PUDP: variants seen among roughly 807,000 people sequenced by gnomAD.
The protein encoded by PUDP is pseudouridine 5'-phosphatase, also known as pseudouridine-5'-phosphatase.
PUDP carries 8 observed loss-of-function variants against 9.4 expected under a neutral mutation model. The ratio of observed to expected loss-of-function variants is 0.85; its 90% CI spans 0.50 to 1.53. The LOEUF is 1.53. PUDP is among the 40% of genes most tolerant of loss of function. PUDP has a pLI of 0.00. For missense variants in PUDP, 188 were observed against 189.7 expected, an observed-to-expected ratio of 0.99 and a Z score of 0.05; for synonymous variants, 99 against 80.7, an observed-to-expected ratio of 1.23 and a Z score of -1.22.
At chrX:6,809,073 C>T (rs774700148) in intron 3 of PUDP, among the ~76,000 whole-genome samples, 2 of 111,382 alleles carry the variant, frequency 1.8e-5, no homozygotes, top group African/African-American at 3.3e-5. Context: ...GATCCCATAG[C>T]ATGTGGCCAA....
At chrX:6,868,022 C>T (rs1927115982) in intron 3 of PUDP, among the ~76,000 whole-genome samples, 1 of 111,238 alleles carries the variant, frequency 9.0e-6, no homozygotes, top group Non-Finnish European at 1.9e-5. Flanking sequence ...TTAGGCCCTA[C>T]CTTCCAGCAC....
intron 1 of PUDP, among the ~76,000 whole-genome samples, chrX:7,025,447 A>C (rs990655811): frequency 8.9e-6 from 1 of 112,311 alleles, no homozygotes; most frequent in African/African-American, 3.2e-5. Flanking sequence ...ATACTGAACA[A>C]AATTCAGATG....
At chrX:7,048,166 T>C (rs888494345), downstream of PUDP, among the ~76,000 whole-genome samples, 2 of 112,438 alleles carry the variant, frequency 1.8e-5, no homozygotes, top group Admixed American at 1.9e-4. Context: ...TAAGATGACG[T>C]TGATAGCGCC....
At chrX:7,102,326 A>C (rs1197906524) in intron 2 of PUDP, among the ~76,000 whole-genome samples, 1 of 109,759 alleles carries the variant, frequency 9.1e-6, no homozygotes, top group African/African-American at 3.3e-5. Context: ...CCAAAAAAAA[A>C]AAAAAAAACA....
chrX:6,884,183 C>T (rs1198308655), intron 3 of PUDP, among the ~76,000 whole-genome samples: 3 of 111,768 alleles, frequency 2.7e-5, no homozygotes, highest in African/African-American at 9.8e-5. Context: ...CCTTTTTACT[C>T]TTATTGTGAG....
chrX:7,033,816 C>T (rs184253952), intron 1 of PUDP, among the ~76,000 whole-genome samples: 41 of 112,165 alleles, frequency 3.7e-4, no homozygotes, highest in African/African-American at 1.3e-3. Flanking sequence ...AAGTATCATG[C>T]GAACCCCAGA....
At chrX:6,720,132 A>G (rs1924644481) in intron 1 of PUDP, among the ~76,000 whole-genome samples, 1 of 104,908 alleles carries the variant, frequency 9.5e-6, no homozygotes, top group African/African-American at 3.5e-5. Context: ...ATATATATAT[A>G]TACGTGTGTA....
chrX:6,877,811 G>C (rs1033500999), intron 3 of PUDP, among the ~76,000 whole-genome samples: 9 of 111,583 alleles, frequency 8.1e-5, no homozygotes, highest in African/African-American at 2.9e-4. Flanking sequence ...CAACTCTCAA[G>C]ATCCTGGGCT....
intron 3 of PUDP, among the ~76,000 whole-genome samples, chrX:6,859,961 T>G (rs992761867): frequency 4.4e-5 from 5 of 112,472 alleles, no homozygotes; most frequent in African/African-American, 1.6e-4. Context: ...CGTATCTCAG[T>G]GAATTGATTT....
chrX:6,779,601 T>C (rs7886333), intron 3 of PUDP, among the ~76,000 whole-genome samples: 24,243 of 110,790 alleles, frequency 0.22, 1,948 homozygotes, highest in East Asian at 0.28. Flanking sequence ...CATAACGGCA[T>C]TGCAGCTTAA....
chrX:6,999,641 C>T (rs922827191), intron 1 of PUDP, among the ~76,000 whole-genome samples: 1 of 110,491 alleles, frequency 9.1e-6, no homozygotes, highest in Non-Finnish European at 1.9e-5. Context: ...TTAAAACACA[C>T]ATTTTAAAAA....
At chrX:6,920,877 G>A (rs1928011411) in intron 3 of PUDP, among the ~76,000 whole-genome samples, 1 of 111,045 alleles carries the variant, frequency 9.0e-6, no homozygotes, top group Admixed American at 9.6e-5. Context: ...CAAATTTTGG[G>A]GTTCACAATT....
chrX:7,140,855 G>A (rs1393986287), intron 1 of PUDP, among the ~76,000 whole-genome samples: 1 of 112,120 alleles, frequency 8.9e-6, no homozygotes, highest in Non-Finnish European at 1.9e-5. Context: ...TCTGTGTCAC[G>A]TTTTGGTAAT....
chrX:6,831,260 G>C (rs1324667861), intron 3 of PUDP, among the ~76,000 whole-genome samples: 1 of 112,020 alleles, frequency 8.9e-6, no homozygotes, highest in African/African-American at 3.2e-5. Flanking sequence ...AGCAATTTGG[G>C]GAGGTTCAGA....
At chrX:6,998,576 T>C (rs188760999) in intron 1 of PUDP, among the ~76,000 whole-genome samples, 9 of 111,772 alleles carry the variant, frequency 8.1e-5, no homozygotes, top group African/African-American at 1.9e-4. Context: ...TTCCAACAAT[T>C]GCAGTATAAA....
intron 1 of PUDP, among the ~76,000 whole-genome samples, chrX:7,019,709 G>A (rs1309417420): frequency 1.8e-5 from 2 of 111,824 alleles, no homozygotes; most frequent in Non-Finnish European, 3.8e-5. Context: ...TCAAGATGGT[G>A]TGAAAGCTTC....
At chrX:6,880,014 G>C (rs916403720) in intron 3 of PUDP, among the ~76,000 whole-genome samples, 2 of 111,086 alleles carry the variant, frequency 1.8e-5, no homozygotes, top group African/African-American at 6.6e-5. Flanking sequence ...AAAAAAAGAG[G>C]GGAGAACCAA....
intron 2 of PUDP, among the ~76,000 whole-genome samples, chrX:7,102,317 C>CAAAAAA (rs201420593): frequency 7.1e-5 from 4 of 56,643 alleles, no homozygotes; most frequent in African/African-American, 2.0e-4. Context: ...AATAAGGAAC[C>CAAAAAA]AAAAAAAAAA....
intron 2 of PUDP, among the ~76,000 whole-genome samples, chrX:7,084,548 G>A (rs917607990): frequency 8.9e-6 from 1 of 111,839 alleles, no homozygotes; most frequent in Non-Finnish European, 1.9e-5. Flanking sequence ...GTGGGGGTGT[G>A]AGGATGGCCC....
Sources: allele counts gnomAD v4.1 joint callset (sites outside exome capture counted in the v4.1 genomes callset), GRCh38; gene constraint gnomAD v4.1.1; transcripts MANE v1.5; gene names NCBI Gene and HGNC (gene_info 2026-07-23, HGNC 2026-07-21).